The following BAIAP2L2 variants were observed in gnomAD, a reference collection of about 807,000 sequenced individuals.
BAIAP2L2 encodes BAR/IMD domain-containing adapter protein 2-like 2.
Under a neutral mutation model 60.4 loss-of-function variants are expected in BAIAP2L2, and 65 were observed. The observed-to-expected ratio is 1.08, with a 90% CI of 0.88 to 1.32. The LOEUF (loss-of-function observed/expected upper bound fraction) is 1.32. Among genes scored for constraint, BAIAP2L2 ranks in the 40% most tolerant of loss-of-function variants. The probability of loss-of-function intolerance (pLI) is 0.00; values close to 1 mark genes in which losing one functional copy is unlikely to be tolerated. For missense variants in BAIAP2L2, 836 were observed against 741.2 expected (o/e 1.13, Z -1.48); for synonymous variants, 344 against 301.7 (o/e 1.14, Z -1.45).
chr22:38,085,475 T>C (rs146325865), intron 13 of BAIAP2L2, 100 bp from the exon 14 acceptor site: 136 of 1,373,460 alleles, frequency 9.9e-5, no homozygotes, highest in Non-Finnish European at 4.5e-5. Flanking sequence ...TCCTGCCTCC[T>C]GCCCCTATTT....
intron 5 of BAIAP2L2, 83 bp from the exon 6 acceptor site, chr22:38,098,262 A>C (rs2086489738): frequency 1.3e-6 from 2 of 1,515,820 alleles, no homozygotes; most frequent in East Asian, 4.5e-5. Context: ...AGGGCCCTGG[A>C]AGTTTGGAGA....
intron 12 of BAIAP2L2, 118 bp from the exon 13 acceptor site, chr22:38,085,850 T>C: frequency 9.7e-7 from 1 of 1,033,380 alleles, no homozygotes; most frequent in Non-Finnish European, 1.4e-6. Context: ...GCCCCTGCCA[T>C]GCCAGGCTCC....
At chr22:38,097,471 G>A (rs553914880) in intron 6 of BAIAP2L2, among the ~76,000 whole-genome samples, 1 of 152,248 alleles carries the variant, frequency 6.6e-6, no homozygotes, top group African/African-American at 2.4e-5. Flanking sequence ...GGGCTGGGGG[G>A]GCAGGGGGAC....
intron 7 of BAIAP2L2, among the ~76,000 whole-genome samples, chr22:38,096,563 G>C (rs2086432736): frequency 6.6e-6 from 1 of 152,212 alleles, no homozygotes; most frequent in Non-Finnish European, 1.5e-5. Flanking sequence ...GCTGAGGCAG[G>C]AGAATCGCTT....
Position 38,089,213 on chromosome 22 carries a change from CT to C in BAIAP2L2, c.783del (p.Glu262SerfsTer26). On this transcript the variant is annotated frameshift_variant, in exon 9 of 14. Coordinates refer to ENST00000381669, the MANE Select transcript of BAIAP2L2 (RefSeq NM_025045.6). LOFTEE classifies it high-confidence loss of function. Reference sequence around the variant, plus strand: ...TGCCGGCTGCGGGGGGAGCTGAACTCTCCCAGGGGCCTCGGGGGCTGCGGGG... The same window carrying C: ...TGCCGGCTGCGGGGGGAGCTGAACTCCCCAGGGGCCTCGGGGGCTGCGGGG... ...TCLDMPPRPLGEFSSPRSRHG... is the reference protein window; with the variant it reads ...TCLDMPPRPLXEFSSPRSRHG... The C allele has an allele frequency of 9.2e-7, 1 of 1,092,750 alleles. No individual in the cohort carries two copies. The highest frequency in any genetic ancestry group is 1.1e-6 in the Non-Finnish European group (1 of 901,190). The allele number at this position is 1,092,750 out of a possible 1,614,324, so 67.7% of individuals were successfully genotyped here.
At chr22:38,102,154 G>A (rs532636518) in intron 4 of BAIAP2L2, among the ~76,000 whole-genome samples, 2 of 152,260 alleles carry the variant, frequency 1.3e-5, no homozygotes, top group South Asian at 2.1e-4. Flanking sequence ...TGAGTCCAAA[G>A]GGTGAAGGTA....
In BAIAP2L2 at chr22:38,108,339, G is replaced by C. The variant is rs762357819; in HGVS notation, c.130C>G (p.Leu44Val). The C allele has an allele frequency of 2.3e-5, 37 of 1,611,954 alleles. No homozygotes were observed. Among genetic ancestry groups the C allele is most frequent in the Non-Finnish European group, 3.0e-5 (35 of 1,179,622 alleles). ...GNNYLRAFHA[L>V]SEAAEVYFSA... ...AAGTAGACCTCGGCCGCCTCGGACA[G>C]AGCTGTGGACCAGAAGGGACAGGTC... Residue 44 changes from leucine to valine, a missense_variant and splice_region_variant, in exon 3 of 14, where the codon CTG becomes GTG. Leu to Val is a conservative substitution (Grantham distance 32). Transcript: ENST00000381669.
chr22:38,104,931 G>A (rs2086634477), intron 4 of BAIAP2L2, among the ~76,000 whole-genome samples: 1 of 152,044 alleles, frequency 6.6e-6, no homozygotes, highest in Non-Finnish European at 1.5e-5. Context: ...GAGAGGCTGT[G>A]GTTTTGATGG....
chr22:38,085,688 C>T lies in BAIAP2L2; in HGVS notation c.1512G>A (p.Pro504=), dbSNP rs201654960. 186 of 1,613,000 alleles carry T rather than the reference C, an allele frequency of 1.2e-4. No individual in the cohort carries two copies. Among genetic ancestry groups the T allele is most frequent in the Non-Finnish European group, 1.3e-4 (158 of 1,179,786 alleles). The part of the protein sequence containing the change: ...SEQYPPQELF[P]RGTNPFATVK... Reference sequence around the variant, plus strand: ...TGGGCCCCCATGTGAGGACTCACCTCGGGAAGAGCTCCTGTGGTGGGTACT... The same window carrying T: ...TGGGCCCCCATGTGAGGACTCACCTTGGGAAGAGCTCCTGTGGTGGGTACT... The change falls in exon 13 of 14, where the codon CCG becomes CCA. Residue 504 remains proline (P), a splice_region_variant and synonymous_variant. Transcript: ENST00000381669.
intron 7 of BAIAP2L2, chr22:38,094,030 C>T: frequency 2.2e-6 from 1 of 455,626 alleles, no homozygotes; most frequent in Non-Finnish European, 4.4e-6. Flanking sequence ...TATTATCCAG[C>T]AGTGAAAAGG....
At chr22:38,110,120 GGA>G (rs1202491630) in intron 1 of BAIAP2L2, among the ~76,000 whole-genome samples, 36 of 18,822 alleles carry the variant, frequency 1.9e-3, no homozygotes, top group East Asian at 9.2e-3. Context: ...AGAGAGAGAG[GGA>G]GAGAGAGAGA....
intron 11 of BAIAP2L2, among the ~76,000 whole-genome samples, chr22:38,086,721 T>G (rs1046792727): frequency 8.6e-5 from 13 of 152,024 alleles, no homozygotes; most frequent in Non-Finnish European, 1.6e-4. Context: ...GCCACCTGGG[T>G]GCAGTGACTC....
chr22:38,110,140 A>AGAGAGG (rs2086805231), intron 1 of BAIAP2L2, among the ~76,000 whole-genome samples: 3 of 108,504 alleles, frequency 2.8e-5, no homozygotes, highest in African/African-American at 2.6e-4. Context: ...AGAGAGAGAG[A>AGAGAGG]GAGAGAGAGG....
intron 4 of BAIAP2L2, among the ~76,000 whole-genome samples, chr22:38,105,175 C>T (rs892936229): frequency 3.9e-5 from 6 of 152,028 alleles, no homozygotes; most frequent in African/African-American, 1.2e-4. Flanking sequence ...GCCAGAGTCC[C>T]GCCAGGGCCT....
At chr22:38,089,408 A>T in intron 8 of BAIAP2L2, 114 bp downstream of exon 8, 1 of 607,340 alleles carries the variant, frequency 1.6e-6, no homozygotes, top group South Asian at 8.3e-5. Flanking sequence ...CGGGGGATGC[A>T]GCGTAGAGCG....
intron 7 of BAIAP2L2, among the ~76,000 whole-genome samples, chr22:38,093,492 C>T (rs1395241675): frequency 6.6e-6 from 1 of 152,248 alleles, no homozygotes; most frequent in Non-Finnish European, 1.5e-5. Flanking sequence ...AGGAGGGGGT[C>T]AGCTCTTCTC....
At chr22:38,107,822 C>T in intron 4 of BAIAP2L2, 30 bp downstream of exon 4, 1 of 1,605,534 alleles carries the variant, frequency 6.2e-7, no homozygotes, top group Non-Finnish European at 8.5e-7. Flanking sequence ...CCTCGAGTGA[C>T]CCCTCCAGGC....
chr22:38,095,365 TATCTC>T (rs1325926854), intron 7 of BAIAP2L2, among the ~76,000 whole-genome samples: 1 of 151,972 alleles, frequency 6.6e-6, no homozygotes. Context: ...CTTAAGGTAT[TATCTC>T]ATCTTTTTTT....
Position 38,086,353 on chromosome 22 carries a change from GCGGGAC to G in BAIAP2L2, c.1350_1355del (p.Gln450_Arg452delinsHis). The G allele has an allele frequency of 2.6e-6, 2 of 774,672 alleles. No homozygotes were observed. Among genetic ancestry groups the G allele is most frequent in the Non-Finnish European group, 3.8e-6 (2 of 525,496 alleles). The allele number at this position is 774,672 out of a possible 1,614,324, so 48.0% of individuals were successfully genotyped here. On this transcript the variant is annotated inframe_deletion, in exon 12 of 14. Coordinates refer to ENST00000381669, the MANE Select transcript of BAIAP2L2 (RefSeq NM_025045.6). Reference sequence around the variant, plus strand: ...TTGGCACCCGGCTTGGGGTGCGGGAGCGGGACTGGCCATCCCAGTACTCCGAGGGTG... The same window carrying G: ...TTGGCACCCGGCTTGGGGTGCGGGAGTGGCCATCCCAGTACTCCGAGGGTG...
Sources: gnomAD v4.1 joint callset for allele counts (sites outside exome capture counted in the v4.1 genomes callset) on GRCh38, gnomAD v4.1.1 for gene constraint, MANE v1.5 for transcripts, NCBI Gene and HGNC (gene_info 2026-07-23, HGNC 2026-07-21) for gene names.